Variants in NAV3 observed in about 807,000 individuals in gnomAD.
The protein encoded by NAV3 is pore membrane and/or filament interacting like protein 1.
A neutral mutation model predicts 244.7 loss-of-function variants in NAV3; 87 were observed. The observed-to-expected ratio is 0.36, with a 90% CI of 0.30 to 0.42. NAV3 has a LOEUF of 0.42. NAV3 is among the 20% of genes least tolerant of loss of function. The pLI is 1.00. For missense variants in NAV3, 2,663 were observed against 2,893.3 expected (o/e 0.92, Z 1.83); for synonymous variants, 1,126 against 1,042.2 (o/e 1.08, Z -1.55).
At chr12:77,951,754 T>C (rs1305601282) in intron 3 of NAV3, among the ~76,000 whole-genome samples, 2 of 152,014 alleles carry the variant, frequency 1.3e-5, no homozygotes, top group Non-Finnish European at 2.9e-5. Flanking sequence ...AAAGGGTGAG[T>C]TCATGTCCTT....
intron 2 of NAV3, among the ~76,000 whole-genome samples, chr12:77,596,113 C>G (rs1365059739): frequency 6.6e-6 from 1 of 152,078 alleles, no homozygotes; most frequent in East Asian, 1.9e-4. Context: ...GGCTCTGGGA[C>G]CAAGCAAATC....
intron 2 of NAV3, among the ~76,000 whole-genome samples, chr12:77,814,501 G>T (rs1379077806): frequency 6.6e-6 from 1 of 152,132 alleles, no homozygotes; most frequent in Non-Finnish European, 1.5e-5. Flanking sequence ...AGAGGAGGTT[G>T]AATTCAAAGG....
At chr12:77,698,922 A>T (rs992181455) in intron 2 of NAV3, among the ~76,000 whole-genome samples, 1 of 152,132 alleles carries the variant, frequency 6.6e-6, no homozygotes, top group African/African-American at 2.4e-5. Context: ...GTCCTAGAAT[A>T]CTTGTGCACA....
chr12:77,704,650 C>T (rs1476677710), intron 2 of NAV3, among the ~76,000 whole-genome samples: 1 of 151,922 alleles, frequency 6.6e-6, no homozygotes, highest in Admixed American at 6.6e-5. Context: ...TTTAAAAAGC[C>T]AACATTCAAT....
chr12:78,074,814 G>T (rs532500763), intron 12 of NAV3, among the ~76,000 whole-genome samples: 3 of 152,320 alleles, frequency 2.0e-5, no homozygotes, highest in Non-Finnish European at 4.4e-5. Context: ...ATGTAGGGAT[G>T]AATATGAAGT....
At chr12:77,706,823 A>G (rs1429293924) in intron 2 of NAV3, among the ~76,000 whole-genome samples, 5 of 135,196 alleles carry the variant, frequency 3.7e-5, no homozygotes, top group Non-Finnish European at 4.7e-5. Context: ...GTGAGCCGAG[A>G]TAGTGCCACT....
At chr12:78,061,005 C>A (rs183455125) in intron 12 of NAV3, among the ~76,000 whole-genome samples, 83 of 152,246 alleles carry the variant, frequency 5.5e-4, no homozygotes, top group Admixed American at 3.9e-3. Context: ...AACGTAAAGA[C>A]CTAGATAGGT....
chr12:77,980,184 A>C (rs1869312559), intron 5 of NAV3, among the ~76,000 whole-genome samples: 1 of 152,158 alleles, frequency 6.6e-6, no homozygotes, highest in South Asian at 2.1e-4. Flanking sequence ...CCAAGAAAAA[A>C]ACCCAGATAA....
At chr12:77,612,615 G>C (rs907691938) in intron 2 of NAV3, among the ~76,000 whole-genome samples, 16 of 152,042 alleles carry the variant, frequency 1.1e-4, no homozygotes, top group African/African-American at 3.6e-4. Context: ...AGATTCATAA[G>C]GCACCACAAC....
chr12:78,001,137 T>A (rs1283694537), intron 7 of NAV3, among the ~76,000 whole-genome samples: 1 of 152,176 alleles, frequency 6.6e-6, no homozygotes, highest in East Asian at 1.9e-4. Context: ...CTATCACAAC[T>A]AGTTTGCATA....
chr12:77,946,100 A>G (rs1331800668), intron 3 of NAV3, among the ~76,000 whole-genome samples: 3 of 54,714 alleles, frequency 5.5e-5, no homozygotes, highest in Non-Finnish European at 1.0e-4. Flanking sequence ...ATATATATAT[A>G]TGTATATATA....
rs371961295 is a variant in NAV3 at position 77,986,113 on chromosome 12, G to A, written c.672-8690G>A. On this transcript the variant is annotated intron_variant, in intron 5 of 39. Transcript: ENST00000397909. Reference sequence around the variant, plus strand: ...GCGGTGGCTCATGCCTGTAATCCCAGCACTTTGGGAGGCCAAGGCGGGTGG... The same window carrying A: ...GCGGTGGCTCATGCCTGTAATCCCAACACTTTGGGAGGCCAAGGCGGGTGG... Among the ~76,000 whole-genome samples, 10 of 152,304 alleles carry A rather than the reference G, an allele frequency of 6.6e-5. No homozygotes were observed. The East Asian group carries it at 1.7e-3, about 26-fold the overall frequency.
chr12:77,959,390 G>A (rs1242284), intron 3 of NAV3, among the ~76,000 whole-genome samples: 121,893 of 151,974 alleles, frequency 0.8, 49,169 homozygotes, highest in East Asian at 0.98. Context: ...GAAACTCTGT[G>A]TAATACCAAA....
At chr12:77,824,282 A>C (rs1350844927) in intron 2 of NAV3, among the ~76,000 whole-genome samples, 2 of 140,000 alleles carry the variant, frequency 1.4e-5, no homozygotes, top group African/African-American at 2.7e-5. Context: ...TAGTAGAGAC[A>C]GGGTTTCACC....
intron 23 of NAV3, among the ~76,000 whole-genome samples, chr12:78,168,327 T>C (rs1957864777): frequency 6.6e-6 from 1 of 151,830 alleles, no homozygotes; most frequent in Non-Finnish European, 1.5e-5. Context: ...AATCATTCAT[T>C]TGACAAAACT....
chr12:77,744,044 A>G (rs1592640158), intron 2 of NAV3, among the ~76,000 whole-genome samples: 1 of 151,934 alleles, frequency 6.6e-6, no homozygotes, highest in East Asian at 1.9e-4. Context: ...TAAAGATTCT[A>G]TGTTATTTTC....
At chr12:77,829,235 T>C (rs1208079133), upstream of NAV3, among the ~76,000 whole-genome samples, 1 of 152,244 alleles carries the variant, frequency 6.6e-6, no homozygotes, top group Non-Finnish European at 1.5e-5. Context: ...GAGTTTGCCT[T>C]CCAACCGGAT....
At chr12:77,865,545 C>A (rs1879874328) in intron 1 of NAV3, among the ~76,000 whole-genome samples, 1 of 152,000 alleles carries the variant, frequency 6.6e-6, no homozygotes, top group Non-Finnish European at 1.5e-5. Context: ...TATGTGGTTA[C>A]TGCTGTTTGC....
chr12:77,619,902 G>C (rs556205936), intron 2 of NAV3, among the ~76,000 whole-genome samples: 117 of 151,716 alleles, frequency 7.7e-4, no homozygotes, highest in African/African-American at 2.7e-3. Context: ...CACACACACA[G>C]ACAGTCTTTG....
Sources: allele counts gnomAD v4.1 joint callset (sites outside exome capture counted in the v4.1 genomes callset), GRCh38; gene constraint gnomAD v4.1.1; transcripts MANE v1.5; gene names NCBI Gene and HGNC (gene_info 2026-07-23, HGNC 2026-07-21).